The following NAV2 variants were observed in gnomAD, a reference collection of about 807,000 sequenced individuals.
The protein encoded by NAV2 is neuron navigator 2, also known as helicase, APC down-regulated 1.
In NAV2, 54 loss-of-function variants were observed where a neutral mutation model predicts 223.2. The observed-to-expected ratio is 0.24, with a 90% CI of 0.19 to 0.30. NAV2 has a LOEUF of 0.30. Ranked by LOEUF, NAV2 falls within the 10% of genes least tolerant of loss-of-function variation. The pLI, the probability that NAV2 is intolerant of heterozygous loss-of-function variation, is 1.00. For synonymous variants in NAV2, 1,279 were observed against 1,239.3 expected (o/e 1.03, Z -0.67); for missense variants, 2,806 against 3,147.5 (o/e 0.89, Z 2.60).
intron 1 of NAV2, among the ~76,000 whole-genome samples, chr11:19,705,795 C>A (rs958694780): frequency 2.6e-5 from 4 of 152,148 alleles, no homozygotes; most frequent in African/African-American, 9.7e-5. Flanking sequence ...TTTACTTTGG[C>A]ACTTTTGTCT....
At chr11:19,533,991 C>T (rs2044110754) in intron 1 of NAV2, among the ~76,000 whole-genome samples, 1 of 132,306 alleles carries the variant, frequency 7.6e-6, no homozygotes, top group African/African-American at 4.4e-5. Flanking sequence ...CAGGCGTGAG[C>T]CACCGCGCCC....
chr11:19,527,627 C>T (rs1331656655), intron 1 of NAV2, among the ~76,000 whole-genome samples: 4 of 151,374 alleles, frequency 2.6e-5, no homozygotes, highest in African/African-American at 9.7e-5. Flanking sequence ...ACCCCCACCC[C>T]GTCCACTCAG....
At chr11:20,077,495 T>C in intron 22 of NAV2, 57 bp from the exon 23 acceptor site, 1 of 1,380,188 alleles carries the variant, frequency 7.2e-7, no homozygotes, top group Non-Finnish European at 1.0e-6. Flanking sequence ...GCCAGACACC[T>C]TCTAAGCACT....
chr11:19,858,310 C>T (rs1327493591), intron 3 of NAV2, among the ~76,000 whole-genome samples: 2 of 152,304 alleles, frequency 1.3e-5, no homozygotes, highest in African/African-American at 4.8e-5. Flanking sequence ...TCATGCAGGA[C>T]TTGTCTTTCT....
intron 5 of NAV2, among the ~76,000 whole-genome samples, chr11:19,890,377 TCTG>T (rs2041402180): frequency 6.6e-6 from 1 of 152,204 alleles, no homozygotes; most frequent in African/African-American, 2.4e-5. Context: ...GTCCTAAAAA[TCTG>T]CTGTGGTTCA....
intron 1 of NAV2, among the ~76,000 whole-genome samples, chr11:19,536,815 G>A (rs2044203119): frequency 6.6e-6 from 1 of 152,124 alleles, no homozygotes; most frequent in African/African-American, 2.4e-5. Context: ...GATAATGGGG[G>A]CTGGGAGCCA....
chr11:19,786,882 G>A (rs2057156461), intron 1 of NAV2, among the ~76,000 whole-genome samples: 1 of 152,176 alleles, frequency 6.6e-6, no homozygotes, highest in South Asian at 2.1e-4. Context: ...CTCAGCTACT[G>A]GGGAGGTGGA....
At chr11:19,640,418 A>G (rs1450809184) in intron 1 of NAV2, among the ~76,000 whole-genome samples, 3 of 151,482 alleles carry the variant, frequency 2.0e-5, no homozygotes, top group East Asian at 3.9e-4. Flanking sequence ...ATAAAAATAC[A>G]TATAATATAT....
chr11:19,694,209 G>A (rs979661862), intron 1 of NAV2, among the ~76,000 whole-genome samples: 3 of 152,200 alleles, frequency 2.0e-5, no homozygotes, highest in South Asian at 4.1e-4. Flanking sequence ...AGCCAAGCAA[G>A]GATGAGGTTT....
chr11:19,905,394 T>C (rs960850853), intron 6 of NAV2, among the ~76,000 whole-genome samples: 2 of 152,220 alleles, frequency 1.3e-5, no homozygotes, highest in Non-Finnish European at 2.9e-5. Context: ...AAGAGCCAGA[T>C]AGGAATGTTC....
intron 1 of NAV2, among the ~76,000 whole-genome samples, chr11:19,606,597 T>C (rs1185607525): frequency 1.3e-5 from 2 of 152,192 alleles, no homozygotes; most frequent in Non-Finnish European, 2.9e-5. Flanking sequence ...AGGCACTCAA[T>C]GTTAGTCTCA....
At chr11:19,751,537 C>T (rs1243094543) in intron 1 of NAV2, among the ~76,000 whole-genome samples, 2 of 152,172 alleles carry the variant, frequency 1.3e-5, no homozygotes, top group East Asian at 1.9e-4. Context: ...CAAGCATGCT[C>T]CCAACTCAGG....
chr11:19,815,734 C>T (rs752200103), intron 1 of NAV2, among the ~76,000 whole-genome samples: 15 of 152,288 alleles, frequency 9.8e-5, no homozygotes, highest in Non-Finnish European at 1.8e-4. Context: ...CCTTGTCCAG[C>T]TGGTATCTCA....
chr11:19,382,451 G>A (rs186399178), intron 1 of NAV2, among the ~76,000 whole-genome samples: 2 of 152,300 alleles, frequency 1.3e-5, no homozygotes, highest in East Asian at 1.9e-4. Flanking sequence ...GTCAAGCAGC[G>A]TCTGCCGTTC....
In NAV2 at chr11:20,034,540, C is replaced by T. The variant is rs186721326; in HGVS notation, c.2769-1419C>T. On this transcript the variant is annotated intron_variant, in intron 11 of 37. Transcript: ENST00000349880. ...GATTATAGGCATGTGCCACCACCCCCGGCTAATTTTTGTGTACTTTTAGTA... is the reference window on the plus strand; with the variant it reads ...GATTATAGGCATGTGCCACCACCCCTGGCTAATTTTTGTGTACTTTTAGTA... Among the ~76,000 whole-genome samples, 480 of 152,124 alleles carry T rather than the reference C, an allele frequency of 3.2e-3. 4 individuals carry two copies. The highest frequency in any genetic ancestry group is 0.011 in the African/African-American group (469 of 41,512).
chr11:20,092,670 T>C lies in NAV2; in HGVS notation c.5815+302T>C, dbSNP rs938204173. Among the ~76,000 whole-genome samples, 41 of 152,270 alleles carry C rather than the reference T, an allele frequency of 2.7e-4. 1 individual carries two copies. The highest frequency in any genetic ancestry group is 2.4e-3 in the Admixed American group (37 of 15,296). On this transcript the variant is annotated intron_variant, in intron 28 of 37. Coordinates refer to ENST00000349880, the MANE Select transcript of NAV2 (RefSeq NM_145117.5). Reference sequence around the variant, plus strand: ...AGGCTGACCTGCAAGCTGAATGCTGTACACAAACCCCATAGTAGCAGGTCT... The same window carrying C: ...AGGCTGACCTGCAAGCTGAATGCTGCACACAAACCCCATAGTAGCAGGTCT...
chr11:20,000,005 A>G (rs947285233), intron 11 of NAV2, among the ~76,000 whole-genome samples: 3 of 152,004 alleles, frequency 2.0e-5, no homozygotes, highest in Non-Finnish European at 2.9e-5. Context: ...GGCCTGTGTC[A>G]CCTCCATGGT....
chr11:19,876,531 GCTGCCTCC>G (rs1322336138), intron 4 of NAV2, among the ~76,000 whole-genome samples: 2 of 152,170 alleles, frequency 1.3e-5, no homozygotes, highest in Non-Finnish European at 2.9e-5. Flanking sequence ...TTATAAAAAT[GCTGCCTCC>G]TAAGAGGAAA....
intron 9 of NAV2, among the ~76,000 whole-genome samples, chr11:19,947,123 G>C (rs1565619358): frequency 2.0e-5 from 3 of 152,166 alleles, no homozygotes; most frequent in South Asian, 4.1e-4. Context: ...GAAAGTTCTT[G>C]TTGTCCCCAC....
Sources: allele counts gnomAD v4.1 joint callset (sites outside exome capture counted in the v4.1 genomes callset), GRCh38; gene constraint gnomAD v4.1.1; transcripts MANE v1.5; gene names NCBI Gene and HGNC (gene_info 2026-07-23, HGNC 2026-07-21).